The following PSEN1 variants were observed in gnomAD, a reference collection of about 807,000 sequenced individuals.
The protein encoded by PSEN1 is presenilin 1, also known as presenilin-1.
In PSEN1, 15 loss-of-function variants were observed where a neutral mutation model predicts 53.5. The ratio of observed to expected loss-of-function variants is 0.28; its 90% CI spans 0.19 to 0.43. The LOEUF is 0.43. Among genes scored for constraint, PSEN1 ranks in the 20% least tolerant of loss-of-function variants. The probability of loss-of-function intolerance (pLI) is 1.00; values close to 1 mark genes in which losing one functional copy is unlikely to be tolerated. For missense variants in PSEN1, 387 were observed against 571.2 expected (o/e 0.68, Z 3.29); for synonymous variants, 208 against 209.8 (o/e 0.99, Z 0.08).
chr14:73,217,104 A>T, intron 10 of PSEN1, 22 bp from the exon 11 acceptor site: 2 of 1,613,554 alleles, frequency 1.2e-6, no homozygotes. Context: ...ACTTTTTAAT[A>T]TTTGTAACCT....
At chr14:73,191,212 G>T (rs978457773) in intron 6 of PSEN1, among the ~76,000 whole-genome samples, 1 of 152,156 alleles carries the variant, frequency 6.6e-6, no homozygotes, top group Admixed American at 6.5e-5. Flanking sequence ...ACCACCTAAA[G>T]ATAAGTCCTG....
At chr14:73,173,970 C>G (rs1273453310) in intron 5 of PSEN1, 3 of 601,224 alleles carry the variant, frequency 5.0e-6, no homozygotes, top group East Asian at 5.5e-5. Flanking sequence ...GGCAACGTAG[C>G]AAGACCCTGC....
At chr14:73,194,792 TCTC>T (rs1297682035) in intron 7 of PSEN1, among the ~76,000 whole-genome samples, 1 of 151,714 alleles carries the variant, frequency 6.6e-6, no homozygotes, top group African/African-American at 2.4e-5. Flanking sequence ...ATGATCTCGA[TCTC>T]CTGACCTCAT....
intron 5 of PSEN1, among the ~76,000 whole-genome samples, chr14:73,184,781 C>A (rs868341716): frequency 9.8e-4 from 142 of 144,924 alleles, no homozygotes; most frequent in African/African-American, 3.7e-3. Flanking sequence ...GGGTGGCTGC[C>A]GGGCGGAGAC....
intron 5 of PSEN1, among the ~76,000 whole-genome samples, chr14:73,180,283 C>A (rs139392169): frequency 7.7e-4 from 118 of 152,328 alleles, no homozygotes; most frequent in Non-Finnish European, 1.3e-3. Context: ...CCACGCCCAG[C>A]CTTATCCTTC....
At chr14:73,147,653 A>T (rs1357784830) in intron 1 of PSEN1, 142 bp from the exon 2 acceptor site, 2 of 328,294 alleles carry the variant, frequency 6.1e-6, no homozygotes, top group African/African-American at 4.3e-5. Context: ...TTGAGCTTAT[A>T]GTAAATTTGT....
intron 5 of PSEN1, among the ~76,000 whole-genome samples, chr14:73,182,229 C>T: frequency 6.6e-6 from 1 of 152,084 alleles, no homozygotes; most frequent in Non-Finnish European, 1.5e-5. Flanking sequence ...GGCACGGTGA[C>T]TCTCACCAGT....
chr14:73,157,803 A>G (rs1335901957), intron 3 of PSEN1, among the ~76,000 whole-genome samples: 1 of 152,084 alleles, frequency 6.6e-6, no homozygotes, highest in Non-Finnish European at 1.5e-5. Context: ...CACCTGGCCA[A>G]CATGAAACCC....
At chr14:73,161,174 C>T (rs912920989) in intron 3 of PSEN1, among the ~76,000 whole-genome samples, 2 of 151,862 alleles carry the variant, frequency 1.3e-5, no homozygotes, top group African/African-American at 4.8e-5. Context: ...GGAGTTTCAC[C>T]ATGTTGCCCA....
chr14:73,201,399 T>G (rs1354913708), intron 8 of PSEN1, among the ~76,000 whole-genome samples: 1 of 152,074 alleles, frequency 6.6e-6, no homozygotes, highest in East Asian at 1.9e-4. Flanking sequence ...AATATCATTT[T>G]TTATAAAGAA....
chr14:73,219,042 C>A lies in PSEN1; in HGVS notation c.1249-92C>A, dbSNP rs1169475673. On this transcript the variant is annotated intron_variant, in intron 11 of 11. Coordinates refer to ENST00000324501, the MANE Select transcript of PSEN1 (RefSeq NM_000021.4). ...CCCCAAAAGGAAAATATTCAGTTAACTATGTTAAAAACCAAGACTTGTGAT... is the reference window on the plus strand; with the variant it reads ...CCCCAAAAGGAAAATATTCAGTTAAATATGTTAAAAACCAAGACTTGTGAT... 3.0e-6 allele frequency: 4 copies of A among 1,336,570 alleles called. No individual in the cohort carries two copies. The African/African-American group carries it at 5.8e-5, about 19-fold the overall frequency. 82.8% of individuals were successfully genotyped at this position (1,336,570 alleles called of 1,614,324 possible). A position where few individuals can be genotyped will look rare whatever the true frequency, so the allele number is the denominator to read the frequency against.
At chr14:73,178,019 A>G (rs1329435635) in intron 5 of PSEN1, among the ~76,000 whole-genome samples, 1 of 151,866 alleles carries the variant, frequency 6.6e-6, no homozygotes, top group Non-Finnish European at 1.5e-5. Flanking sequence ...TCCCGGTTCA[A>G]GTGATTCTCC....
intron 5 of PSEN1, among the ~76,000 whole-genome samples, chr14:73,181,120 A>G (rs1440235550): frequency 6.6e-6 from 1 of 152,186 alleles, no homozygotes; most frequent in Non-Finnish European, 1.5e-5. Flanking sequence ...TATCCGTATG[A>G]GTAGACTATT....
chr14:73,144,595 C>G (rs1420010070), intron 1 of PSEN1, among the ~76,000 whole-genome samples: 1 of 152,218 alleles, frequency 6.6e-6, no homozygotes, highest in Non-Finnish European at 1.5e-5. Context: ...CAACTCCTCA[C>G]TTGCCAGATG....
chr14:73,188,084 A>G (rs1014798809), intron 6 of PSEN1, among the ~76,000 whole-genome samples: 1 of 152,108 alleles, frequency 6.6e-6, no homozygotes, highest in African/African-American at 2.4e-5. Context: ...GCGCACCACC[A>G]TGCCCAGCTA....
chr14:73,166,200 T>C (rs917754850), intron 3 of PSEN1, among the ~76,000 whole-genome samples: 1 of 152,166 alleles, frequency 6.6e-6, no homozygotes, highest in Non-Finnish European at 1.5e-5. Context: ...CAGGGTTGAG[T>C]TGGCTAATGT....
At chr14:73,161,992 TAAAAAAA>T (rs1179787685) in intron 3 of PSEN1, among the ~76,000 whole-genome samples, 3 of 65,366 alleles carry the variant, frequency 4.6e-5, no homozygotes, top group African/African-American at 1.8e-4. Context: ...CCGTTTCCAC[TAAAAAAA>T]AAAAAAAAAA....
At chr14:73,176,777 C>T (rs927214218) in intron 5 of PSEN1, among the ~76,000 whole-genome samples, 3 of 152,184 alleles carry the variant, frequency 2.0e-5, no homozygotes, top group Admixed American at 2.0e-4. Context: ...ATGGATGAGG[C>T]ACTGAGGCAG....
chr14:73,223,038 A>G lies in PSEN1; in HGVS notation c.*3749A>G, dbSNP rs1490901222. On this transcript the variant is annotated 3_prime_UTR_variant, in exon 12 of 12. Coordinates refer to ENST00000324501, the MANE Select transcript of PSEN1 (RefSeq NM_000021.4). ...TCTCACCTCTTTAAATTCCCACAACACAAGAGATTAAAAACAGAGGTTTCA... is the reference window on the plus strand; with the variant it reads ...TCTCACCTCTTTAAATTCCCACAACGCAAGAGATTAAAAACAGAGGTTTCA... 6.6e-6 allele frequency: 1 copy of G among 152,222 alleles called. No homozygotes were observed. The highest frequency in any genetic ancestry group is 1.5e-5 in the Non-Finnish European group (1 of 68,036). 9.4% of individuals were successfully genotyped at this position (152,222 alleles called of 1,614,324 possible).
Sources: allele counts gnomAD v4.1 joint callset (sites outside exome capture counted in the v4.1 genomes callset), GRCh38; gene constraint gnomAD v4.1.1; transcripts MANE v1.5; gene names NCBI Gene and HGNC (gene_info 2026-07-23, HGNC 2026-07-21).